Variants in DSCAM observed in about 807,000 individuals in gnomAD.
DSCAM encodes the protein cell adhesion molecule DSCAM.
DSCAM carries 47 observed loss-of-function variants against 217.7 expected under a neutral mutation model. That is an observed-to-expected ratio of 0.22 (90% CI 0.17 to 0.28). The LOEUF (loss-of-function observed/expected upper bound fraction) is 0.28, where lower values mean the gene tolerates loss of function less well. DSCAM is among the 10% of genes least tolerant of loss of function. The pLI, the probability that DSCAM is intolerant of heterozygous loss-of-function variation, is 1.00. For missense variants in DSCAM, 2,080 were observed against 2,618.3 expected (o/e 0.79, Z 4.49); for synonymous variants, 1,056 against 1,015.3 (o/e 1.04, Z -0.76).
chr21:40,527,162 C>A (rs1046811838), intron 3 of DSCAM, among the ~76,000 whole-genome samples: 8 of 152,178 alleles, frequency 5.3e-5, no homozygotes, highest in Non-Finnish European at 1.0e-4. Flanking sequence ...GAAGCTCTCA[C>A]TTCCTAAATG....
intron 1 of DSCAM, among the ~76,000 whole-genome samples, chr21:40,802,674 C>T (rs1473942861): frequency 6.6e-6 from 1 of 152,136 alleles, no homozygotes; most frequent in Non-Finnish European, 1.5e-5. Flanking sequence ...GGCTTCGTAA[C>T]AGGAGAAAGA....
intron 4 of DSCAM, among the ~76,000 whole-genome samples, chr21:40,356,645 C>T (rs1347092175): frequency 9.9e-5 from 15 of 152,090 alleles, no homozygotes; most frequent in Non-Finnish European, 2.1e-4. Flanking sequence ...CTGCAGCAAT[C>T]ACTTTGGACT....
intron 30 of DSCAM, 126 bp from the exon 31 acceptor site, chr21:40,044,401 T>C (rs962130319): frequency 1.1e-6 from 1 of 892,248 alleles, no homozygotes; most frequent in African/African-American, 1.7e-5. Flanking sequence ...GAAAACTTCC[T>C]TGACTTCTCC....
intron 3 of DSCAM, among the ~76,000 whole-genome samples, chr21:40,444,116 C>A (rs997043688): frequency 2.0e-5 from 3 of 152,110 alleles, no homozygotes; most frequent in African/African-American, 7.2e-5. Context: ...TTTCCTTTCT[C>A]AACTTTGAAA....
intron 3 of DSCAM, among the ~76,000 whole-genome samples, chr21:40,425,606 G>A (rs960385611): frequency 6.8e-6 from 1 of 146,012 alleles, no homozygotes; most frequent in East Asian, 2.0e-4. Flanking sequence ...AGTTGTTCAG[G>A]AGGCTGATAC....
chr21:40,192,310 C>A (rs1157363630), intron 11 of DSCAM, among the ~76,000 whole-genome samples: 1 of 152,140 alleles, frequency 6.6e-6, no homozygotes, highest in Admixed American at 6.5e-5. Flanking sequence ...CAATTCGTCT[C>A]CCATAGTGTC....
rs1252856394 is a variant in DSCAM, at chr21:40,090,128, C to T, written c.3851-2841G>A. On this transcript the variant is annotated intron_variant, in intron 21 of 32. Transcript: ENST00000400454. Reference sequence around the variant, plus strand: ...CATTTCCAGCCACCAAATCTGTGAACCTACTGGCATTTCCTCCTCTAAACC... The same window carrying T: ...CATTTCCAGCCACCAAATCTGTGAATCTACTGGCATTTCCTCCTCTAAACC... Among the ~76,000 whole-genome samples, 3 of 152,296 alleles carry T rather than the reference C, an allele frequency of 2.0e-5. No individual in the cohort carries two copies. The East Asian group carries it at 5.8e-4, about 29-fold the overall frequency.
intron 3 of DSCAM, among the ~76,000 whole-genome samples, chr21:40,561,642 T>C (rs537472946): frequency 2.0e-5 from 3 of 152,360 alleles, no homozygotes; most frequent in South Asian, 4.1e-4. Flanking sequence ...GTGAAGGTTT[T>C]TGAAAATGAG....
At chr21:40,808,470 C>T (rs1379057162) in intron 1 of DSCAM, among the ~76,000 whole-genome samples, 1 of 119,316 alleles carries the variant, frequency 8.4e-6, no homozygotes, top group Non-Finnish European at 1.7e-5. Flanking sequence ...TTAATACAAC[C>T]ATCATTTTTT....
At chr21:40,839,636 C>CTT (rs368562031) in intron 1 of DSCAM, among the ~76,000 whole-genome samples, 3 of 148,586 alleles carry the variant, frequency 2.0e-5, no homozygotes, top group African/African-American at 7.4e-5. Flanking sequence ...GGTTGGTATG[C>CTT]TTTTTTTTTT....
intron 14 of DSCAM, among the ~76,000 whole-genome samples, chr21:40,180,948 G>A (rs1417335823): frequency 6.6e-6 from 1 of 152,032 alleles, no homozygotes; most frequent in Non-Finnish European, 1.5e-5. Flanking sequence ...CTATCTCAGT[G>A]ATGTCACCTT....
chr21:40,497,950 G>C (rs1003833971), intron 3 of DSCAM, among the ~76,000 whole-genome samples: 1 of 152,188 alleles, frequency 6.6e-6, no homozygotes, highest in African/African-American at 2.4e-5. Flanking sequence ...TATGAAATAT[G>C]AAGTACTGGA....
intron 1 of DSCAM, among the ~76,000 whole-genome samples, chr21:40,826,188 G>A (rs1485648299): frequency 2.6e-5 from 4 of 152,240 alleles, no homozygotes; most frequent in Non-Finnish European, 2.9e-5. Context: ...AGGTGGTCAG[G>A]GAGACCTCTC....
intron 3 of DSCAM, among the ~76,000 whole-genome samples, chr21:40,523,799 A>G (rs999584665): frequency 1.3e-5 from 2 of 152,072 alleles, no homozygotes; most frequent in Admixed American, 6.6e-5. Context: ...AGTAACACAC[A>G]AACACACACA....
chr21:40,583,906 T>TA (rs10681677), intron 3 of DSCAM, among the ~76,000 whole-genome samples: 20,205 of 140,022 alleles, frequency 0.14, 1,635 homozygotes, highest in South Asian at 0.24. Context: ...TAAAGTCTAT[T>TA]AAAAAAAAAA....
chr21:40,205,386 T>C (rs964564075), intron 11 of DSCAM, among the ~76,000 whole-genome samples: 1 of 152,154 alleles, frequency 6.6e-6, no homozygotes, highest in Admixed American at 6.5e-5. Flanking sequence ...GCAGATCATC[T>C]GAGGTCAGGA....
rs2088052389 is a variant in DSCAM at position 40,011,252 on chromosome 21, A to T, written c.*1782T>A. On this transcript the variant is annotated 3_prime_UTR_variant, in exon 33 of 33. Transcript: ENST00000400454. ...CCTGGAGTCATCTAACACTAGCATC[A>T]GCAGGTGGTCTTGACATGGTCCTGG... 6.6e-6 allele frequency: 1 copy of T among 152,232 alleles called. No individual in the cohort carries two copies. The highest frequency in any genetic ancestry group is 2.1e-4 in the South Asian group (1 of 4,830). The allele number at this position is 152,232 out of a possible 1,614,324, so 9.4% of individuals were successfully genotyped here.
At chr21:40,772,889 C>T (rs529879912) in intron 1 of DSCAM, among the ~76,000 whole-genome samples, 219 of 152,336 alleles carry the variant, frequency 1.4e-3, no homozygotes, top group African/African-American at 4.3e-3. Flanking sequence ...GGTGGTGGAC[C>T]CTGTCCCGGA....
At chr21:40,392,759 AG>A (rs2075145411) in intron 3 of DSCAM, among the ~76,000 whole-genome samples, 1 of 152,202 alleles carries the variant, frequency 6.6e-6, no homozygotes, top group Admixed American at 6.5e-5. Context: ...CTTCCCATAA[AG>A]GACCAAAGAG....
Sources: gnomAD v4.1 joint callset for allele counts (sites outside exome capture counted in the v4.1 genomes callset) on GRCh38, gnomAD v4.1.1 for gene constraint, MANE v1.5 for transcripts, NCBI Gene and HGNC (gene_info 2026-07-23, HGNC 2026-07-21) for gene names.